RPS6KC1: variants seen among roughly 807,000 people sequenced by gnomAD.
RPS6KC1 encodes inactive ribosomal protein S6 kinase delta-1.
A neutral mutation model predicts 103.8 loss-of-function variants in RPS6KC1; 54 were observed. The ratio of observed to expected loss-of-function variants is 0.52; its 90% CI spans 0.42 to 0.65. RPS6KC1 has a LOEUF of 0.65. Ranked by LOEUF, RPS6KC1 falls within the 30% of genes least tolerant of loss-of-function variation. The pLI, the probability that RPS6KC1 is intolerant of heterozygous loss-of-function variation, is 0.00. For synonymous variants in RPS6KC1, 439 were observed against 438.7 expected (o/e 1.00, Z -0.01); for missense variants, 1,151 against 1,253.8 (o/e 0.92, Z 1.24).
chr1:213,811,354 C>T, the RPS6KC1 span, among the ~76,000 whole-genome samples: 1 of 152,170 alleles, frequency 6.6e-6, no homozygotes, highest in Non-Finnish European at 1.5e-5. Flanking sequence ...TTCCAGAGCA[C>T]ACAGTATGTC....
the RPS6KC1 span, among the ~76,000 whole-genome samples, chr1:213,730,822 G>T: frequency 6.6e-6 from 1 of 152,056 alleles, no homozygotes; most frequent in Non-Finnish European, 1.5e-5. Context: ...ATTGCTTTTG[G>T]CATCTTTGTT....
the RPS6KC1 span, among the ~76,000 whole-genome samples, chr1:213,400,849 G>A: frequency 6.6e-6 from 1 of 152,032 alleles, no homozygotes; most frequent in Non-Finnish European, 1.5e-5. Flanking sequence ...TGGGATTATA[G>A]GCACACACCA....
chr1:213,447,503 CA>C, the RPS6KC1 span, among the ~76,000 whole-genome samples: 1 of 152,176 alleles, frequency 6.6e-6, no homozygotes, highest in Non-Finnish European at 1.5e-5. Context: ...TTTAAGCGGA[CA>C]TTTTACATGA....
chr1:213,717,951 C>T, the RPS6KC1 span, among the ~76,000 whole-genome samples: 1 of 152,286 alleles, frequency 6.6e-6, no homozygotes, highest in East Asian at 1.9e-4. Context: ...TTATTTCTCA[C>T]AGCAGATCCC....
At chr1:213,683,004 T>C in the RPS6KC1 span, among the ~76,000 whole-genome samples, 2 of 152,364 alleles carry the variant, frequency 1.3e-5, no homozygotes, top group African/African-American at 2.4e-5. Flanking sequence ...TAACTGCATG[T>C]ACTTTATCAC....
At chr1:213,860,074 A>G in the RPS6KC1 span, among the ~76,000 whole-genome samples, 3 of 151,736 alleles carry the variant, frequency 2.0e-5, no homozygotes, top group Admixed American at 1.3e-4. Flanking sequence ...TTAGGGCCTG[A>G]CATAGAAAAA....
chr1:213,449,335 C>T, the RPS6KC1 span, among the ~76,000 whole-genome samples: 3 of 152,204 alleles, frequency 2.0e-5, no homozygotes, highest in African/African-American at 7.2e-5. Flanking sequence ...GACTGGGTGG[C>T]TTAAACAACT....
chr1:213,240,185 A>T (rs919876699), intron 10 of RPS6KC1, among the ~76,000 whole-genome samples: 2 of 152,130 alleles, frequency 1.3e-5, no homozygotes, highest in African/African-American at 2.4e-5. Flanking sequence ...AGGCATAATT[A>T]TATACCACAT....
chr1:213,626,146 A>C, the RPS6KC1 span, among the ~76,000 whole-genome samples: 2 of 152,178 alleles, frequency 1.3e-5, no homozygotes, highest in East Asian at 3.9e-4. Flanking sequence ...GTGGTATCTC[A>C]TTGTGTTTTT....
At chr1:213,496,517 G>C in the RPS6KC1 span, among the ~76,000 whole-genome samples, 1 of 152,166 alleles carries the variant, frequency 6.6e-6, no homozygotes, top group African/African-American at 2.4e-5. Flanking sequence ...TAGCACTTTG[G>C]GAGGCTGAGG....
chr1:213,835,736 TA>T, the RPS6KC1 span: 1 of 152,174 alleles, frequency 6.6e-6, no homozygotes, highest in Non-Finnish European at 1.5e-5. Context: ...ATGAAGTTTA[TA>T]AATGTTTTGC....
chr1:213,631,841 C>A, the RPS6KC1 span, among the ~76,000 whole-genome samples: 2 of 151,978 alleles, frequency 1.3e-5, no homozygotes, highest in Non-Finnish European at 2.9e-5. Flanking sequence ...AAAAGTATTA[C>A]ACAGTAAAAT....
chr1:213,713,867 T>C, the RPS6KC1 span, among the ~76,000 whole-genome samples: 1 of 152,238 alleles, frequency 6.6e-6, no homozygotes, highest in Non-Finnish European at 1.5e-5. Flanking sequence ...CACTCCTTAC[T>C]TTCCACAAGT....
chr1:213,176,131 T>C (rs369005197), intron 7 of RPS6KC1, among the ~76,000 whole-genome samples: 1 of 152,236 alleles, frequency 6.6e-6, no homozygotes, highest in Non-Finnish European at 1.5e-5. Context: ...CTCTAGAAAC[T>C]GCCAGCTCAT....
At chr1:213,433,763 C>T in the RPS6KC1 span, among the ~76,000 whole-genome samples, 3 of 152,166 alleles carry the variant, frequency 2.0e-5, no homozygotes, top group African/African-American at 7.2e-5. Context: ...GGGTAAGTAT[C>T]TATTCAAATC....
chr1:213,568,083 G>T, the RPS6KC1 span, among the ~76,000 whole-genome samples: 2 of 152,346 alleles, frequency 1.3e-5, no homozygotes, highest in Non-Finnish European at 2.9e-5. Context: ...GCAGGAACAT[G>T]AGACTCCTGT....
At chr1:213,079,154 G>T (rs556786068) in intron 3 of RPS6KC1, among the ~76,000 whole-genome samples, 1 of 152,018 alleles carries the variant, frequency 6.6e-6, no homozygotes, top group African/African-American at 2.4e-5. Flanking sequence ...ATTTTAATAT[G>T]TACATAGTAT....
At chr1:213,292,156 C>T in the RPS6KC1 span, among the ~76,000 whole-genome samples, 3 of 151,862 alleles carry the variant, frequency 2.0e-5, no homozygotes, top group South Asian at 2.1e-4. Flanking sequence ...TGCTAAATGA[C>T]GAGTTAATGG....
chr1:213,295,564 G>A, the RPS6KC1 span, among the ~76,000 whole-genome samples: 2 of 152,172 alleles, frequency 1.3e-5, no homozygotes, highest in Non-Finnish European at 1.5e-5. Flanking sequence ...AGACTAAGGA[G>A]CTCAGAATAT....
Sources: gnomAD v4.1 joint callset for allele counts (sites outside exome capture counted in the v4.1 genomes callset) on GRCh38, gnomAD v4.1.1 for gene constraint, MANE v1.5 for transcripts, NCBI Gene and HGNC (gene_info 2026-07-23, HGNC 2026-07-21) for gene names.